Variants in C9orf152 observed in about 807,000 individuals in gnomAD.
C9orf152 encodes the protein chromosome 9 open reading frame 152, also known as uncharacterized protein C9orf152.
In C9orf152, 8 loss-of-function variants were observed where a neutral mutation model predicts 8.5. That is an observed-to-expected ratio of 0.94 (90% confidence interval 0.55 to 1.70). The LOEUF is 1.70. Ranked by LOEUF, C9orf152 falls within the 40% of genes most tolerant of loss-of-function variation. The probability of loss-of-function intolerance (pLI) is 0.00; values close to 1 mark genes in which losing one functional copy is unlikely to be tolerated. For missense variants in C9orf152, 293 were observed against 286.2 expected (o/e 1.02, Z -0.17); for synonymous variants, 109 against 113.0 (o/e 0.96, Z 0.22).
rs774648485 is a variant in C9orf152, at chr9:110,201,440, G to A, written c.228C>T (p.Val76=). 1.3e-6 allele frequency: 2 copies of A among 1,522,594 alleles called. No individual in the cohort carries two copies. The highest frequency in any genetic ancestry group is 2.3e-5 in the East Asian group (1 of 44,246). 94.3% of individuals were successfully genotyped at this position (1,522,594 alleles called of 1,614,324 possible). A position where few individuals can be genotyped will look rare whatever the true frequency, so the allele number is the denominator to read the frequency against. ...GNTPAPAESM[V]NAVWINKERR... ...TCTCCTTGTTAATCCAAACAGCATT[G>A]ACCATCGATTCTGCAGGAGCAGGTG... Residue 76 remains valine, a synonymous_variant, in exon 2 of 2, where the codon GTC becomes GTT. Transcript: ENST00000400613.
At position 110,201,316 on chromosome 9, in the gene C9orf152, GC is replaced by G. The variant is rs769434291; in HGVS notation, c.351del (p.Trp117CysfsTer49). 2 of 1,613,302 alleles carry G rather than the reference GC, an allele frequency of 1.2e-6. No individual in the cohort carries two copies. Among genetic ancestry groups the G allele is most frequent in the African/African-American group, 2.7e-5 (2 of 74,888 alleles). Reference protein sequence around the residue: ...QGCLQAPKSPWHTHLEMHCLV... With the variant: ...QGCLQAPKSPXHTHLEMHCLV... ...AAACAATGCATCTCCAGGTGCGTGT[GC>G]CATGGAGACTTGGGGGCCTGAAGGC... On this transcript the variant is annotated frameshift_variant, in exon 2 of 2. Coordinates refer to ENST00000400613, the MANE Select transcript of C9orf152 (RefSeq NM_001012993.3). LOFTEE classifies it low-confidence loss of function (END_TRUNC).
rs766592701 is a variant in C9orf152, at chr9:110,207,583, GATC to G, written c.-7_-5del. On this transcript the variant is annotated 5_prime_UTR_variant, in exon 1 of 2. Transcript: ENST00000400613. The stretch of plus-strand genomic sequence containing the variant: ...ACGGGCAGGGCAACCCCTCCATCCG[GATC>G]CGGGAGAAAAGCAAACACAGCTGGG... 6.3e-7 allele frequency: 1 copy of G among 1,575,126 alleles called. No individual in the cohort carries two copies. The highest frequency in any genetic ancestry group is 1.2e-5 in the South Asian group (1 of 85,640).
At position 110,208,128 on chromosome 9, in the gene C9orf152, G is replaced by A. The variant is rs2118509182; in HGVS notation, c.-549C>T. On this transcript the variant is annotated 5_prime_UTR_variant, in exon 1 of 2. Coordinates refer to ENST00000400613, the MANE Select transcript of C9orf152 (RefSeq NM_001012993.3). ...AGAATCCAATTCCCAGTGCCACGGT[G>A]AAGTCTCCCCTTTCCTGGCAGAGCT... 1 of 153,438 alleles carries A rather than the reference G, an allele frequency of 6.5e-6. No individual in the cohort carries two copies. The highest frequency in any genetic ancestry group is 1.9e-4 in the East Asian group (1 of 5,188). The allele number at this position is 153,438 out of a possible 1,614,324, so 9.5% of individuals were successfully genotyped here.
intron 1 of C9orf152, 39 bp from the exon 2 acceptor site, chr9:110,201,513 G>T: frequency 6.7e-7 from 1 of 1,485,912 alleles, no homozygotes; most frequent in Non-Finnish European, 8.9e-7. Context: ...TCACTGGAAG[G>T]GACAGGGGCG....
Position 110,207,632 on chromosome 9 carries a change from G to C in C9orf152, c.-53C>G. ...CTGGGTGGGGCAGGACCTGGGGAGG[G>C]GAGAGAGAGGGAGGGGGCAGTGAGG... On this transcript the variant is annotated 5_prime_UTR_variant, in exon 1 of 2. Transcript: ENST00000400613. 1.5e-6 allele frequency: 2 copies of C among 1,367,282 alleles called. No homozygotes were observed. Among genetic ancestry groups the C allele is most frequent in the Non-Finnish European group, 2.0e-6 (2 of 1,023,672 alleles). The allele number at this position is 1,367,282 out of a possible 1,614,324, so 84.7% of individuals were successfully genotyped here.
At chr9:110,205,386 C>G (rs992004165) in intron 1 of C9orf152, among the ~76,000 whole-genome samples, 2 of 152,134 alleles carry the variant, frequency 1.3e-5, no homozygotes, top group Non-Finnish European at 2.9e-5. Context: ...GTGCCATTTT[C>G]ACCTTATTTT....
Position 110,200,926 on chromosome 9 carries a change from A to T in C9orf152, c.*22T>A. ...GGCCATAGGTGGCCTCAAGGTCAAG[A>T]CATCTGGCAGAATAGAAAGCTTCAC... is the stretch of plus-strand genomic sequence containing the variant. On this transcript the variant is annotated 3_prime_UTR_variant, in exon 2 of 2. Coordinates refer to ENST00000400613, the MANE Select transcript of C9orf152 (RefSeq NM_001012993.3). The T allele has an allele frequency of 6.4e-7, 1 of 1,570,556 alleles. No homozygotes were observed. The highest frequency in any genetic ancestry group is 8.6e-7 in the Non-Finnish European group (1 of 1,162,516).
chr9:110,204,635 A>G (rs1837255611), intron 1 of C9orf152, among the ~76,000 whole-genome samples: 1 of 152,234 alleles, frequency 6.6e-6, no homozygotes, highest in Non-Finnish European at 1.5e-5. Flanking sequence ...TACATAGAAC[A>G]TAAAATGTAC....
intron 1 of C9orf152, among the ~76,000 whole-genome samples, chr9:110,203,129 C>G (rs1346639829): frequency 6.7e-6 from 1 of 149,298 alleles, no homozygotes; most frequent in African/African-American, 2.5e-5. Flanking sequence ...TCAAGCGATT[C>G]TCCTGCCTCA....
chr9:110,207,613 G>A lies in C9orf152; in HGVS notation c.-34C>T. On this transcript the variant is annotated 5_prime_UTR_variant, in exon 1 of 2. Transcript: ENST00000400613. ...GGGAGAAAAGCAAACACAGCTGGGT[G>A]GGGCAGGACCTGGGGAGGGGAGAGA... is the stretch of plus-strand genomic sequence containing the variant. The A allele has an allele frequency of 6.5e-7, 1 of 1,527,406 alleles. No individual in the cohort carries two copies. Among genetic ancestry groups the A allele is most frequent in the East Asian group, 2.4e-5 (1 of 41,222 alleles). The allele number at this position is 1,527,406 out of a possible 1,614,324, so 94.6% of individuals were successfully genotyped here.
At chr9:110,207,054 G>C (rs10217165) in intron 1 of C9orf152, among the ~76,000 whole-genome samples, 3,068 of 152,320 alleles carry the variant, frequency 0.02, 100 homozygotes, top group African/African-American at 0.07. Context: ...TTTGTAGGAG[G>C]TGCCTTAGTT....
intron 1 of C9orf152, among the ~76,000 whole-genome samples, chr9:110,203,638 G>C (rs576285970): frequency 6.6e-6 from 1 of 152,186 alleles, no homozygotes; most frequent in Admixed American, 6.5e-5. Context: ...AAGAGAATTA[G>C]GGTAATTGAC....
chr9:110,203,829 C>T (rs1021949242), intron 1 of C9orf152, among the ~76,000 whole-genome samples: 12 of 152,174 alleles, frequency 7.9e-5, no homozygotes, highest in Non-Finnish European at 1.6e-4. Flanking sequence ...TCCTTGATTT[C>T]TCTCTTCAGT....
rs1310666305 is a variant in C9orf152, at chr9:110,199,819, G to C, written c.*1129C>G. 1.3e-5 allele frequency: 2 copies of C among 152,082 alleles called. No homozygotes were observed. Among genetic ancestry groups the C allele is most frequent in the Non-Finnish European group, 2.9e-5 (2 of 68,028 alleles). 9.4% of individuals were successfully genotyped at this position (152,082 alleles called of 1,614,324 possible). ...AGAAAGCACCTGAGATGAGGGAAAG[G>C]CACCTTAGGTGTGTTTAAATAGCAT... On this transcript the variant is annotated 3_prime_UTR_variant, in exon 2 of 2. Transcript: ENST00000400613.
chr9:110,201,573 C>T, intron 1 of C9orf152, 99 bp from the exon 2 acceptor site: 2 of 908,140 alleles, frequency 2.2e-6, no homozygotes, highest in Non-Finnish European at 3.2e-6. Context: ...AAGGCCATCC[C>T]CAGAAGGTTC....
chr9:110,207,799 GA>G lies in C9orf152; in HGVS notation c.-221del. Reference sequence around the variant, plus strand: ...GAAATGTGGGGGAGGAGAAAGGTGGGAGACAGTGGCAGTAAGAGGAGAAGGA... The same window carrying G: ...GAAATGTGGGGGAGGAGAAAGGTGGGGACAGTGGCAGTAAGAGGAGAAGGA... On this transcript the variant is annotated 5_prime_UTR_variant, in exon 1 of 2. Transcript: ENST00000400613. The G allele has an allele frequency of 2.0e-6, 1 of 508,088 alleles. No homozygotes were observed. Among genetic ancestry groups the G allele is most frequent in the Non-Finnish European group, 3.4e-6 (1 of 292,632 alleles). The allele number at this position is 508,088 out of a possible 1,614,324, so 31.5% of individuals were successfully genotyped here.
intron 1 of C9orf152, among the ~76,000 whole-genome samples, chr9:110,204,660 T>A (rs1271260599): frequency 6.6e-6 from 1 of 152,212 alleles, no homozygotes; most frequent in Non-Finnish European, 1.5e-5. Flanking sequence ...TTAACCATTT[T>A]TAAGTGCACA....
chr9:110,206,529 C>T (rs1046839729), intron 1 of C9orf152, among the ~76,000 whole-genome samples: 17 of 152,296 alleles, frequency 1.1e-4, no homozygotes, highest in African/African-American at 3.9e-4. Flanking sequence ...CATTGGTTGG[C>T]AACAGCCCAG....
In C9orf152 at chr9:110,201,253, G is replaced by A. The variant is rs970449279; in HGVS notation, c.415C>T (p.His139Tyr). The change falls in exon 2 of 2, where the codon CAT becomes TAT. Residue 139 changes from histidine (H) to tyrosine (Y), a missense_variant. Transcript: ENST00000400613. ...TSPQDTSHQVHHRGKLVGSDQ... is the reference protein window; with the variant it reads ...TSPQDTSHQVYHRGKLVGSDQ... The stretch of plus-strand genomic sequence containing the variant: ...GATCCCACAAGCTTGCCCCTATGAT[G>A]TACTTGATGACTGGTGTCCTGGGGG... 3 of 1,614,092 alleles carry A rather than the reference G, an allele frequency of 1.9e-6. No individual in the cohort carries two copies. The highest frequency in any genetic ancestry group is 1.7e-6 in the Non-Finnish European group (2 of 1,180,010).
Sources: allele counts gnomAD v4.1 joint callset (sites outside exome capture counted in the v4.1 genomes callset), GRCh38; gene constraint gnomAD v4.1.1; transcripts MANE v1.5; gene names NCBI Gene and HGNC (gene_info 2026-07-23, HGNC 2026-07-21).